PCCA: variants seen among roughly 807,000 people sequenced by gnomAD.
PCCA encodes propionyl-CoA carboxylase subunit alpha.
Under a neutral mutation model 101.3 loss-of-function variants are expected in PCCA, and 74 were observed. The ratio of observed to expected loss-of-function variants is 0.73; its 90% confidence interval spans 0.61 to 0.89. The LOEUF (loss-of-function observed/expected upper bound fraction) is 0.89, where lower values mean the gene tolerates loss of function less well. PCCA is among the 40% of genes least tolerant of loss of function. The pLI is 0.00. For missense variants in PCCA, 891 were observed against 907.0 expected (o/e 0.98, Z 0.23); for synonymous variants, 294 against 313.6 (o/e 0.94, Z 0.66).
intron 21 of PCCA, among the ~76,000 whole-genome samples, chr13:100,499,841 A>G (rs912512777): frequency 1.3e-5 from 2 of 152,188 alleles, no homozygotes; most frequent in African/African-American, 2.4e-5. Flanking sequence ...AGGAAAAAAT[A>G]TTTCTTGTGT....
At position 100,273,131 on chromosome 13, in the gene PCCA, A is replaced by ATCT. The variant is rs2063410858; in HGVS notation, c.915-65_915-64insTCT. 2.1e-5 allele frequency: 25 copies of ATCT among 1,164,430 alleles called. 1 individual carries two copies. The South Asian group carries it at 3.0e-4, about 14-fold the overall frequency. 72.1% of individuals were successfully genotyped at this position (1,164,430 alleles called of 1,614,324 possible). On this transcript the variant is annotated intron_variant, in intron 11 of 23. Coordinates refer to ENST00000376285, the MANE Select transcript of PCCA (RefSeq NM_000282.4). ...GTAAACTTTAAGAAAATGTTTATGTAATGCACACAAAAGATAACTTGATTT... is the reference window on the plus strand; with the variant it reads ...GTAAACTTTAAGAAAATGTTTATGTATCTATGCACACAAAAGATAACTTGATTT...
intron 10 of PCCA, chr13:100,268,476 C>T (rs1447517409): frequency 1.6e-5 from 10 of 614,518 alleles, no homozygotes; most frequent in East Asian, 8.8e-5. Flanking sequence ...ACTTTTTCCT[C>T]AAATCTTTTT....
chr13:100,519,547 T>G (rs1201381136), intron 22 of PCCA, among the ~76,000 whole-genome samples: 1 of 152,220 alleles, frequency 6.6e-6, no homozygotes, highest in East Asian at 1.9e-4. Context: ...CACCCTGATT[T>G]TGTTTCCTCC....
intron 4 of PCCA, among the ~76,000 whole-genome samples, chr13:100,146,321 A>C (rs1231620748): frequency 6.6e-6 from 1 of 151,618 alleles, no homozygotes; most frequent in African/African-American, 2.4e-5. Context: ...TCATGCCTGT[A>C]ATCCCAGCAC....
intron 9 of PCCA, among the ~76,000 whole-genome samples, chr13:100,260,397 GTT>G (rs1555397129): frequency 4.3e-4 from 64 of 149,250 alleles, no homozygotes; most frequent in East Asian, 9.8e-4. Flanking sequence ...GTGTGTGTGT[GTT>G]TTTTTTTTTT....
rs1185172094 is a variant in PCCA at position 100,186,474 on chromosome 13, G to A, written c.469-22858G>A. ...GTACAAAATAGGGGCCGGGCGTGGT[G>A]GCTCATGCCTGTAATCCAGCACTCT... On this transcript the variant is annotated intron_variant, in intron 6 of 23. Transcript: ENST00000376285. Among the ~76,000 whole-genome samples the A allele has an allele frequency of 2.6e-5, 4 of 152,232 alleles. No individual in the cohort carries two copies. In the South Asian group the frequency reaches 8.3e-4, roughly 32 times the overall value.
At position 100,121,543 on chromosome 13, in the gene PCCA, T is replaced by G. The variant is rs1045181558; in HGVS notation, c.300+9482T>G. Among the ~76,000 whole-genome samples, 4 of 151,174 alleles carry G rather than the reference T, an allele frequency of 2.6e-5. No homozygotes were observed. In the Admixed American group the frequency reaches 2.6e-4, roughly 10 times the overall value. On this transcript the variant is annotated intron_variant, in intron 4 of 23. Transcript: ENST00000376285. Reference sequence around the variant, plus strand: ...AGGCTGGAGTGCAATGGTGCGATCTTGGCTCACTGTAACCTCCGCCTCCCA... The same window carrying G: ...AGGCTGGAGTGCAATGGTGCGATCTGGGCTCACTGTAACCTCCGCCTCCCA...
chr13:100,450,736 T>G (rs1432073311), intron 21 of PCCA, among the ~76,000 whole-genome samples: 1 of 152,200 alleles, frequency 6.6e-6, no homozygotes, highest in African/African-American at 2.4e-5. Flanking sequence ...TATATATAAT[T>G]TATGTATATA....
intron 19 of PCCA, among the ~76,000 whole-genome samples, chr13:100,405,219 G>A (rs920266159): frequency 4.6e-5 from 7 of 152,206 alleles, no homozygotes; most frequent in African/African-American, 1.7e-4. Flanking sequence ...AAACCTCGGA[G>A]TGATGGGCAT....
At chr13:100,244,040 TG>T (rs2061302437) in intron 8 of PCCA, among the ~76,000 whole-genome samples, 2 of 152,202 alleles carry the variant, frequency 1.3e-5, no homozygotes, top group South Asian at 4.1e-4. Context: ...TAAGGTTATA[TG>T]GAAGAAACCT....
At chr13:100,328,610 C>T (rs1037076036) in intron 16 of PCCA, among the ~76,000 whole-genome samples, 1 of 149,462 alleles carries the variant, frequency 6.7e-6, no homozygotes, top group Non-Finnish European at 1.5e-5. Context: ...ATATTTTCTA[C>T]TGTAGTTATG....
At chr13:100,219,836 AG>A (rs2059711452) in intron 7 of PCCA, among the ~76,000 whole-genome samples, 1 of 152,188 alleles carries the variant, frequency 6.6e-6, no homozygotes, top group South Asian at 2.1e-4. Context: ...CAATCTCTGC[AG>A]GTTTCTTTAT....
chr13:100,348,909 C>CCTCCCTTTCCTTT (rs1555429099), intron 18 of PCCA, among the ~76,000 whole-genome samples: 13,917 of 63,296 alleles, frequency 0.22, 1,602 homozygotes, highest in Non-Finnish European at 0.25. Flanking sequence ...TTCCTTCCTT[C>CCTCCCTTTCCTTT]CTTTCTTTTC....
chr13:100,231,799 T>G, intron 7 of PCCA, among the ~76,000 whole-genome samples: 1 of 152,084 alleles, frequency 6.6e-6, no homozygotes, highest in East Asian at 1.9e-4. Context: ...ACAGAACTCC[T>G]GGGCTCAAGT....
chr13:100,104,953 T>C (rs895616387), intron 2 of PCCA, among the ~76,000 whole-genome samples: 2 of 152,128 alleles, frequency 1.3e-5, no homozygotes, highest in Non-Finnish European at 2.9e-5. Context: ...TCTTCCTGCC[T>C]CAGCCTCCCA....
At chr13:100,433,887 A>T (rs12585450) in intron 20 of PCCA, among the ~76,000 whole-genome samples, 29,963 of 152,238 alleles carry the variant, frequency 0.2, 3,727 homozygotes, top group East Asian at 0.55. Flanking sequence ...TCAAAGTTTT[A>T]TGTGACATGA....
chr13:100,490,979 T>C (rs148691695), intron 21 of PCCA: 13 of 152,414 alleles, frequency 8.5e-5, no homozygotes, highest in African/African-American at 2.9e-4. Context: ...CACAGACTTG[T>C]GGGCTCCACC....
Position 100,426,555 on chromosome 13 carries a change from C to T in PCCA, c.1845+824C>T, listed in dbSNP as rs1396055320. Among the ~76,000 whole-genome samples the T allele has an allele frequency of 2.6e-5, 4 of 152,242 alleles. No homozygotes were observed. The South Asian group carries it at 8.3e-4, about 32-fold the overall frequency. On this transcript the variant is annotated intron_variant, in intron 20 of 23. Coordinates refer to ENST00000376285, the MANE Select transcript of PCCA (RefSeq NM_000282.4). ...AAGACTACTTACTCCATACCTGATT[C>T]TTATCTACCTCTATGAGAGACCGGG...
At chr13:100,331,332 C>G (rs535285356) in intron 17 of PCCA, among the ~76,000 whole-genome samples, 17 of 152,144 alleles carry the variant, frequency 1.1e-4, no homozygotes, top group Non-Finnish European at 1.8e-4. Flanking sequence ...AAATGTTACT[C>G]AGGTGAAAGC....
Sources: allele counts gnomAD v4.1 joint callset (sites outside exome capture counted in the v4.1 genomes callset), GRCh38; gene constraint gnomAD v4.1.1; transcripts MANE v1.5; gene names NCBI Gene and HGNC (gene_info 2026-07-23, HGNC 2026-07-21).